Variants in LSAMP observed in about 807,000 individuals in gnomAD.
LSAMP encodes the protein limbic system associated membrane protein.
Under a neutral mutation model 38.6 loss-of-function variants are expected in LSAMP, and 7 were observed. The ratio of observed to expected loss-of-function variants is 0.18; its 90% CI spans 0.10 to 0.34. The LOEUF is 0.34. Among genes scored for constraint, LSAMP ranks in the 10% least tolerant of loss-of-function variants. The probability of loss-of-function intolerance (pLI) is 1.00; values close to 1 mark genes in which losing one functional copy is unlikely to be tolerated. For synonymous variants in LSAMP, 154 were observed against 166.8 expected (o/e 0.92, Z 0.59); for missense variants, 313 against 420.0 (o/e 0.75, Z 2.23).
intron 3 of LSAMP, among the ~76,000 whole-genome samples, chr3:115,984,385 T>C (rs535739121): frequency 1.3e-5 from 2 of 152,210 alleles, no homozygotes; most frequent in Non-Finnish European, 2.9e-5. Flanking sequence ...AGGCTAGATG[T>C]ATGCTAAAAT....
chr3:116,164,601 AATAT>A (rs36047780), intron 1 of LSAMP, among the ~76,000 whole-genome samples: 1,517 of 106,838 alleles, frequency 0.014, 93 homozygotes, highest in African/African-American at 0.059. Context: ...ATATAATCCA[AATAT>A]ATATATATAT....
intron 1 of LSAMP, among the ~76,000 whole-genome samples, chr3:116,352,401 G>A (rs2048154726): frequency 6.6e-6 from 1 of 152,070 alleles, no homozygotes; most frequent in Non-Finnish European, 1.5e-5. Context: ...GACCTCATAT[G>A]GTCAGTAGTG....
chr3:116,105,115 A>G (rs1708433632), intron 1 of LSAMP, among the ~76,000 whole-genome samples: 2 of 152,024 alleles, frequency 1.3e-5, no homozygotes, highest in Non-Finnish European at 2.9e-5. Flanking sequence ...GATAGTTAGC[A>G]TGATGAAGGC....
intron 1 of LSAMP, among the ~76,000 whole-genome samples, chr3:116,188,498 C>A (rs1576420254): frequency 6.6e-6 from 1 of 152,138 alleles, no homozygotes; most frequent in African/African-American, 2.4e-5. Flanking sequence ...TCATTGGCAG[C>A]TGCCAAAACT....
intron 1 of LSAMP, among the ~76,000 whole-genome samples, chr3:116,284,295 T>C (rs2047166058): frequency 2.0e-5 from 3 of 152,212 alleles, no homozygotes; most frequent in Admixed American, 6.5e-5. Flanking sequence ...TTCAAAGTTC[T>C]ATGCCAAAAA....
At chr3:116,067,861 A>G (rs1039396132) in intron 2 of LSAMP, among the ~76,000 whole-genome samples, 4 of 152,148 alleles carry the variant, frequency 2.6e-5, no homozygotes, top group African/African-American at 9.7e-5. Context: ...ATTATTATGA[A>G]AGGTTTTGCC....
chr3:116,403,254 C>G (rs541726244), intron 1 of LSAMP, among the ~76,000 whole-genome samples: 1 of 152,292 alleles, frequency 6.6e-6, no homozygotes, highest in South Asian at 2.1e-4. Context: ...TGAGACTTTT[C>G]TACGTGGCAT....
chr3:116,056,954 C>A (rs895339059), intron 2 of LSAMP, among the ~76,000 whole-genome samples: 1 of 151,980 alleles, frequency 6.6e-6, no homozygotes, highest in Admixed American at 6.6e-5. Context: ...AAAAAAATGG[C>A]CTGGTGTGCA....
chr3:115,829,375 C>T (rs941780953), intron 6 of LSAMP, among the ~76,000 whole-genome samples: 8 of 152,116 alleles, frequency 5.3e-5, no homozygotes, highest in East Asian at 3.8e-4. Context: ...TTCCCATAAA[C>T]GAGCCAGGGA....
chr3:115,858,903 G>A (rs1203689530), intron 3 of LSAMP, among the ~76,000 whole-genome samples: 1 of 152,206 alleles, frequency 6.6e-6, no homozygotes, highest in East Asian at 1.9e-4. Flanking sequence ...TGTTCTTACA[G>A]TATGTTTCAT....
chr3:116,400,572 A>C (rs1447197054), intron 1 of LSAMP, among the ~76,000 whole-genome samples: 1 of 151,686 alleles, frequency 6.6e-6, no homozygotes, highest in African/African-American at 2.4e-5. Context: ...TCTGCTACCC[A>C]TGTTCAAGTG....
chr3:116,289,306 A>C (rs1161481644), intron 1 of LSAMP, among the ~76,000 whole-genome samples: 2 of 152,206 alleles, frequency 1.3e-5, no homozygotes, highest in African/African-American at 4.8e-5. Context: ...AGATATTCAC[A>C]ATGTACCATA....
Position 116,119,635 on chromosome 3 carries a change from T to C in LSAMP, c.156-33079A>G, listed in dbSNP as rs189113676. ...AATCATTTATATAAGTTACTAAGGC[T>C]AAAGAGATAATTTCTTTTTTCTTTT... On this transcript the variant is annotated intron_variant, in intron 1 of 6. Coordinates refer to ENST00000490035, the MANE Select transcript of LSAMP (RefSeq NM_002338.5). Among the ~76,000 whole-genome samples the C allele has an allele frequency of 6.8e-3, 1,033 of 151,470 alleles. 11 individuals carry two copies. The highest frequency in any genetic ancestry group is 0.024 in the African/African-American group (980 of 41,186).
intron 1 of LSAMP, among the ~76,000 whole-genome samples, chr3:116,295,545 G>A (rs1213643745): frequency 6.6e-6 from 1 of 152,208 alleles, no homozygotes; most frequent in African/African-American, 2.4e-5. Context: ...ACCAGGAACA[G>A]AGGGAATTGG....
At chr3:115,970,972 G>C (rs975658291) in intron 3 of LSAMP, among the ~76,000 whole-genome samples, 1 of 152,158 alleles carries the variant, frequency 6.6e-6, no homozygotes, top group Admixed American at 6.6e-5. Context: ...TGTTATGGGA[G>C]CTGAGGATGG....
At chr3:115,900,523 A>G (rs559951550) in intron 3 of LSAMP, among the ~76,000 whole-genome samples, 2 of 152,042 alleles carry the variant, frequency 1.3e-5, no homozygotes, top group African/African-American at 4.8e-5. Flanking sequence ...AAAAAAAAAA[A>G]AAAAAAAAAA....
At chr3:116,257,797 T>C (rs1388632285) in intron 1 of LSAMP, among the ~76,000 whole-genome samples, 4 of 152,184 alleles carry the variant, frequency 2.6e-5, no homozygotes, top group Admixed American at 6.5e-5. Context: ...TCCATATAAA[T>C]ACCAGTTAAA....
At chr3:116,020,955 G>A (rs879135762) in intron 2 of LSAMP, among the ~76,000 whole-genome samples, 1 of 152,076 alleles carries the variant, frequency 6.6e-6, no homozygotes, top group Non-Finnish European at 1.5e-5. Flanking sequence ...AACATTTTCT[G>A]CTTGCAGAAG....
intron 1 of LSAMP, among the ~76,000 whole-genome samples, chr3:116,123,219 T>TGAG (rs1451363924): frequency 6.6e-6 from 1 of 152,188 alleles, no homozygotes; most frequent in Non-Finnish European, 1.5e-5. Context: ...CCTGCTGCCT[T>TGAG]CTCATCTGGG....
Sources: gnomAD v4.1 joint callset for allele counts (sites outside exome capture counted in the v4.1 genomes callset) on GRCh38, gnomAD v4.1.1 for gene constraint, MANE v1.5 for transcripts, NCBI Gene and HGNC (gene_info 2026-07-23, HGNC 2026-07-21) for gene names.